CRYBG3: variants seen among roughly 807,000 people sequenced by gnomAD.
CRYBG3 encodes very large A-kinase anchor protein.
A neutral mutation model predicts 244.2 loss-of-function variants in CRYBG3; 127 were observed. The ratio of observed to expected loss-of-function variants is 0.52; its 90% confidence interval spans 0.45 to 0.60. CRYBG3 has a LOEUF of 0.60. Among genes scored for constraint, CRYBG3 ranks in the 20% least tolerant of loss-of-function variants. The probability of loss-of-function intolerance (pLI) is 0.00; values close to 1 mark genes in which losing one functional copy is unlikely to be tolerated. For synonymous variants in CRYBG3, 1,132 were observed against 1,195.8 expected, an observed-to-expected ratio of 0.95 and a Z score of 1.10; for missense variants, 3,325 against 3,442.5, an observed-to-expected ratio of 0.97 and a Z score of 0.85.
At chr3:97,932,995 A>G (rs1035351537) in intron 17 of CRYBG3, 5 of 360,652 alleles carry the variant, frequency 1.4e-5, no homozygotes, top group South Asian at 2.2e-5. Context: ...TTACATTACA[A>G]TATCTGTACA....
rs1171289561 is a variant in CRYBG3, at chr3:97,943,575, G to A, written c.*261G>A. ...TATTCCTGATCTCCAGCTGTGGTGA[G>A]CAAGTTTCCTGAAGTGTTTATTTTC... is the stretch of plus-strand genomic sequence containing the variant. On this transcript the variant is annotated 3_prime_UTR_variant, in exon 22 of 22. Transcript: ENST00000389622. 3 of 401,402 alleles carry A rather than the reference G, an allele frequency of 7.5e-6. No homozygotes were observed. Among genetic ancestry groups the A allele is most frequent in the African/African-American group, 6.4e-5 (3 of 46,584 alleles). 24.9% of individuals were successfully genotyped at this position (401,402 alleles called of 1,614,324 possible).
rs1010974759 is a variant in CRYBG3, at chr3:97,877,413, G to A, written c.6219G>A (p.Val2073=). Residue 2073 remains valine, a synonymous_variant, in exon 4 of 22, where the codon GTG becomes GTA. Coordinates refer to ENST00000389622, the MANE Select transcript of CRYBG3 (RefSeq NM_153605.4). ...DSDSSEMFLS[V]EAKRYKIYPL... ...ATAGTTCAGAAATGTTCTTATCAGT[G>A]GAGGCCAAAAGGTACAAAATTTATC... is the stretch of plus-strand genomic sequence containing the variant. The A allele has an allele frequency of 1.2e-6, 2 of 1,614,110 alleles. No individual in the cohort carries two copies. The highest frequency in any genetic ancestry group is 1.7e-6 in the Non-Finnish European group (2 of 1,180,012).
intron 1 of CRYBG3, among the ~76,000 whole-genome samples, chr3:97,834,230 A>G (rs988344960): frequency 6.6e-6 from 1 of 152,154 alleles, no homozygotes; most frequent in African/African-American, 2.4e-5. Context: ...TTGGCACAAA[A>G]ATATAACCCA....
chr3:97,933,504 A>T (rs1252167398), intron 17 of CRYBG3, 190 bp from the exon 18 acceptor site: 4 of 686,438 alleles, frequency 5.8e-6, no homozygotes, highest in Middle Eastern at 2.4e-4. Context: ...TAGTTTACAA[A>T]AAAGTGAACA....
chr3:97,850,388 A>G (rs961185539), intron 2 of CRYBG3, among the ~76,000 whole-genome samples: 10 of 152,212 alleles, frequency 6.6e-5, no homozygotes, highest in African/African-American at 2.2e-4. Context: ...ATCTTTATCA[A>G]AAATTATATG....
intron 3 of CRYBG3, chr3:97,867,261 G>A (rs2039244937): frequency 6.6e-6 from 1 of 152,134 alleles, no homozygotes; most frequent in African/African-American, 2.4e-5. Flanking sequence ...AAGGTTAAAT[G>A]TAAAGTCTTT....
chr3:97,858,112 T>C (rs538922561), intron 2 of CRYBG3, among the ~76,000 whole-genome samples: 1 of 152,120 alleles, frequency 6.6e-6, no homozygotes, highest in African/African-American at 2.4e-5. Flanking sequence ...GGAAGGGACT[T>C]TATTTTTCCT....
chr3:97,938,911 T>G (rs2040195587), intron 19 of CRYBG3, among the ~76,000 whole-genome samples: 1 of 151,930 alleles, frequency 6.6e-6, no homozygotes, highest in Non-Finnish European at 1.5e-5. Context: ...CCTTTACATC[T>G]TGCTTATTCC....
chr3:97,874,880 C>T lies in CRYBG3; in HGVS notation c.3686C>T (p.Ala1229Val), dbSNP rs1208948083. Residue 1229 changes from alanine (A) to valine (V), a missense_variant, in exon 4 of 22, where the codon GCC (alanine) becomes GTC (valine). Coordinates refer to ENST00000389622, the MANE Select transcript of CRYBG3 (RefSeq NM_153605.4). ...GTGAGTACCTGCCAGGAGCATATAG[C>T]CATAGAAGGTATAATGAATCTGGGT... is the stretch of plus-strand genomic sequence containing the variant. ...HTVSTCQEHI[A>V]IEGIMNLGTL... 6.5e-7 allele frequency: 1 copy of T among 1,535,008 alleles called. No homozygotes were observed. The highest frequency in any genetic ancestry group is 8.7e-7 in the Non-Finnish European group (1 of 1,146,538).
chr3:97,934,838 G>A (rs2040142417), intron 18 of CRYBG3, among the ~76,000 whole-genome samples: 1 of 152,014 alleles, frequency 6.6e-6, no homozygotes, highest in Non-Finnish European at 1.5e-5. Flanking sequence ...TGTGATATAG[G>A]TCTTTCACAA....
chr3:97,843,278 A>G lies in CRYBG3; in HGVS notation c.216+17A>G. On this transcript the variant is annotated intron_variant, in intron 2 of 21. Coordinates refer to ENST00000389622, the MANE Select transcript of CRYBG3 (RefSeq NM_153605.4). The stretch of plus-strand genomic sequence containing the variant: ...GCAGTAAAGGTATAGTTTTAAATTA[A>G]TATTATTTTATATCAAGCAAATATC... The G allele has an allele frequency of 9.0e-7, 1 of 1,106,110 alleles. No homozygotes were observed. The highest frequency in any genetic ancestry group is 1.3e-6 in the Non-Finnish European group (1 of 783,670). The allele number at this position is 1,106,110 out of a possible 1,614,324, so 68.5% of individuals were successfully genotyped here.
chr3:97,944,351 C>CTTTT lies in CRYBG3; in HGVS notation c.*1037_*1038insTTTT, dbSNP rs942126927. 2.0e-5 allele frequency: 3 copies of CTTTT among 152,290 alleles called. No homozygotes were observed. The highest frequency in any genetic ancestry group is 4.4e-5 in the Non-Finnish European group (3 of 67,908). 9.4% of individuals were successfully genotyped at this position (152,290 alleles called of 1,614,324 possible). A position where few individuals can be genotyped will look rare whatever the true frequency, so the allele number is the denominator to read the frequency against. ...TTACCACCTTTTACTGCACAATTCA[C>CTTTT]AAGCATGTTTTCCTGGTGAATTGGA... On this transcript the variant is annotated 3_prime_UTR_variant, in exon 22 of 22. Coordinates refer to ENST00000389622, the MANE Select transcript of CRYBG3 (RefSeq NM_153605.4).
intron 2 of CRYBG3, among the ~76,000 whole-genome samples, chr3:97,843,631 G>C (rs566765294): frequency 6.6e-6 from 1 of 152,270 alleles, no homozygotes; most frequent in Non-Finnish European, 1.5e-5. Flanking sequence ...CTGAAATGTT[G>C]CAAAGCAATA....
chr3:97,845,226 C>T (rs1347228677), intron 2 of CRYBG3, among the ~76,000 whole-genome samples: 3 of 151,986 alleles, frequency 2.0e-5, no homozygotes, highest in Non-Finnish European at 4.4e-5. Context: ...TAAACATAAC[C>T]TTATATAGTC....
intron 17 of CRYBG3, chr3:97,924,348 C>A: frequency 2.3e-6 from 1 of 436,630 alleles, no homozygotes; most frequent in Admixed American, 2.6e-5. Context: ...AGGAATCTAC[C>A]CTGATGATAC....
Position 97,864,454 on chromosome 3 carries a change from A to G in CRYBG3, c.454A>G (p.Thr152Ala). The G allele has an allele frequency of 6.5e-7, 1 of 1,535,960 alleles. No homozygotes were observed. The highest frequency in any genetic ancestry group is 8.7e-7 in the Non-Finnish European group (1 of 1,146,812). ...TTCTTTCAAAGATGACCAGGATAAA[A>G]CTGAGAAGGATTTACAAAATCCCAG... ...QSSFKDDQDK[T>A]EKDLQNPSDH... Residue 152 changes from threonine to alanine, a missense_variant, in exon 3 of 22, where the codon ACT becomes GCT. Around this residue, in one of 4 missense-constraint regions of CRYBG3, gnomAD observed 1,526 missense variants for 1,443.2 expected, o/e 1.06. Coordinates refer to ENST00000389622, the MANE Select transcript of CRYBG3 (RefSeq NM_153605.4).
intron 11 of CRYBG3, among the ~76,000 whole-genome samples, chr3:97,893,770 C>A (rs2039608184): frequency 6.6e-6 from 1 of 152,176 alleles, no homozygotes; most frequent in Non-Finnish European, 1.5e-5. Context: ...GCAGTAACAT[C>A]ATATAATTTT....
intron 12 of CRYBG3, among the ~76,000 whole-genome samples, chr3:97,897,633 T>C (rs2039654664): frequency 1.3e-5 from 2 of 152,180 alleles, no homozygotes; most frequent in East Asian, 1.9e-4. Context: ...TTATATTTAA[T>C]ATTCCATCAA....
intron 17 of CRYBG3, among the ~76,000 whole-genome samples, chr3:97,931,103 T>G (rs1034937184): frequency 1.1e-4 from 16 of 152,066 alleles, no homozygotes; most frequent in African/African-American, 3.9e-4. Context: ...TCCCTCCTGC[T>G]CTTCACCAAA....
Sources: gnomAD v4.1 joint callset for allele counts (sites outside exome capture counted in the v4.1 genomes callset) on GRCh38, gnomAD v4.1.1 for gene constraint, gnomAD v4.1.1 regional missense constraint, MANE v1.5 for transcripts, NCBI Gene and HGNC (gene_info 2026-07-23, HGNC 2026-07-21) for gene names.